Variants in KBTBD2 observed in about 807,000 individuals in gnomAD.
KBTBD2 encodes kelch repeat and BTB domain containing 2.
In KBTBD2, 17 loss-of-function variants were observed where a neutral mutation model predicts 57.1. The observed-to-expected ratio is 0.30, with a 90% CI of 0.20 to 0.45. KBTBD2 has a LOEUF of 0.45. KBTBD2 is among the 20% of genes least tolerant of loss of function. The pLI is 1.00. For missense variants in KBTBD2, 515 were observed against 750.6 expected, an observed-to-expected ratio of 0.69 and a Z score of 3.67; for synonymous variants, 267 against 262.7, an observed-to-expected ratio of 1.02 and a Z score of -0.16.
intron 1 of KBTBD2, among the ~76,000 whole-genome samples, chr7:32,884,136 C>A (rs573332834): frequency 3.3e-5 from 5 of 152,274 alleles, no homozygotes; most frequent in Middle Eastern, 3.4e-3. Context: ...GTGGATCACA[C>A]AGGAGGAAGG....
chr7:32,869,684 C>T lies in KBTBD2; in HGVS notation c.1533G>A (p.Met511Ile). 6.2e-7 allele frequency: 1 copy of T among 1,614,090 alleles called. No homozygotes were observed. ...ACCTCTTAGCAGGGATGTTGGCTGC[C>T]ATTTTCCACTCATTTTTATTCACAT... ...IYDVNKNEWK[M>I]AANIPAKRYS... The change falls in exon 4 of 4, where the codon ATG becomes ATA. Residue 511 changes from methionine to isoleucine, a missense_variant. Physicochemically the swap from Met to Ile is conservative, Grantham distance 10. Transcript: ENST00000304056.
chr7:32,888,116 G>A (rs1784626872), intron 1 of KBTBD2, among the ~76,000 whole-genome samples: 1 of 152,114 alleles, frequency 6.6e-6, no homozygotes, highest in Non-Finnish European at 1.5e-5. Flanking sequence ...TTTTACATAA[G>A]AGAAATCCAA....
At chr7:32,881,255 A>G (rs1583785007) in intron 1 of KBTBD2, among the ~76,000 whole-genome samples, 1 of 150,428 alleles carries the variant, frequency 6.6e-6, no homozygotes, top group South Asian at 2.1e-4. Context: ...CCATTCATCA[A>G]AAAAAAAAAC....
chr7:32,881,781 T>G (rs1784450100), intron 1 of KBTBD2, among the ~76,000 whole-genome samples: 1 of 152,192 alleles, frequency 6.6e-6, no homozygotes, highest in South Asian at 2.1e-4. Context: ...CATAGTGTTG[T>G]TGAGGGTGTG....
Position 32,870,834 on chromosome 7 carries a change from AT to A in KBTBD2, c.382del (p.Ile128Ter). Reference sequence around the variant, plus strand: ...CAATCGTACACAATTCTCTGCATTTATTTTTTTAATTAAATATTCTCGACAA... The same window carrying A: ...CAATCGTACACAATTCTCTGCATTTATTTTTTAATTAAATATTCTCGACAA... ...QRCREYLIKKINAENCVRLLS... is the reference protein window; with the variant it reads ...QRCREYLIKKXNAENCVRLLS... On this transcript the variant is annotated frameshift_variant, in exon 4 of 4. Transcript: ENST00000304056. LOFTEE classifies it high-confidence loss of function. 6.3e-7 allele frequency: 1 copy of A among 1,597,562 alleles called. No homozygotes were observed.
intron 1 of KBTBD2, among the ~76,000 whole-genome samples, chr7:32,882,186 A>C (rs879668452): frequency 2.6e-5 from 4 of 152,158 alleles, no homozygotes; most frequent in Admixed American, 2.6e-4. Context: ...TACTTCTAGA[A>C]ATATATTTTA....
chr7:32,882,267 G>A (rs1784463341), intron 1 of KBTBD2, among the ~76,000 whole-genome samples: 1 of 152,166 alleles, frequency 6.6e-6, no homozygotes, highest in Non-Finnish European at 1.5e-5. Flanking sequence ...CCCCATCCAT[G>A]TTTAAACAAG....
rs575574559 is a variant in KBTBD2, at chr7:32,868,361, C to G, written c.*984G>C. On this transcript the variant is annotated 3_prime_UTR_variant, in exon 4 of 4. Coordinates refer to ENST00000304056, the MANE Select transcript of KBTBD2 (RefSeq NM_015483.3). Reference sequence around the variant, plus strand: ...AGCGCTAGTTATCTGCTCTTCTGCACAGCTAGTGCAGAGAATTCCTGAACA... The same window carrying G: ...AGCGCTAGTTATCTGCTCTTCTGCAGAGCTAGTGCAGAGAATTCCTGAACA... 6.6e-6 allele frequency: 1 copy of G among 152,646 alleles called. No homozygotes were observed. The highest frequency in any genetic ancestry group is 2.4e-5 in the African/African-American group (1 of 41,536). 9.5% of individuals were successfully genotyped at this position (152,646 alleles called of 1,614,324 possible). A position where few individuals can be genotyped will look rare whatever the true frequency, so the allele number is the denominator to read the frequency against.
In KBTBD2 at chr7:32,868,794, C is replaced by G. The variant is rs1429291640; in HGVS notation, c.*551G>C. On this transcript the variant is annotated 3_prime_UTR_variant, in exon 4 of 4. Coordinates refer to ENST00000304056, the MANE Select transcript of KBTBD2 (RefSeq NM_015483.3). ...CACCTAATAGTATAGTTAGACTGAT[C>G]CTGCAGTCATAGCTTTCCCTGTGTA... 6.5e-6 allele frequency: 1 copy of G among 153,284 alleles called. No individual in the cohort carries two copies. The highest frequency in any genetic ancestry group is 2.4e-5 in the African/African-American group (1 of 41,440). The allele number at this position is 153,284 out of a possible 1,614,324, so 9.5% of individuals were successfully genotyped here.
chr7:32,882,069 GAT>G (rs1784457607), intron 1 of KBTBD2, among the ~76,000 whole-genome samples: 1 of 138,060 alleles, frequency 7.2e-6, no homozygotes, highest in South Asian at 2.5e-4. Context: ...TACTAGCAAA[GAT>G]TTTTTTTTTT....
chr7:32,891,887 G>GCCGCCCCCGCCCCCC, upstream of KBTBD2: 1 of 29,388 alleles, frequency 3.4e-5, no homozygotes, highest in African/African-American at 1.1e-4. Flanking sequence ...CGCCGCCCCC[G>GCCGCCCCCGCCCCCC]CCGCCCCCGC....
chr7:32,888,449 G>A (rs1245210875), intron 1 of KBTBD2, among the ~76,000 whole-genome samples: 1 of 151,900 alleles, frequency 6.6e-6, no homozygotes, highest in Non-Finnish European at 1.5e-5. Flanking sequence ...AAACAACCAC[G>A]ACAGTTGAGA....
At chr7:32,872,611 G>A (rs1051557147) in intron 3 of KBTBD2, among the ~76,000 whole-genome samples, 5 of 152,132 alleles carry the variant, frequency 3.3e-5, no homozygotes, top group Non-Finnish European at 5.9e-5. Flanking sequence ...CCAGATCGAG[G>A]CTGCAGTGAG....
rs1784136897 is a variant in KBTBD2, at chr7:32,870,086, G to A, written c.1131C>T (p.Cys377=). Residue 377 remains cysteine, a synonymous_variant, in exon 4 of 4, where the codon TGC becomes TGT. Coordinates refer to ENST00000304056, the MANE Select transcript of KBTBD2 (RefSeq NM_015483.3). ...LFVRIKPSLV[C]CEGYIYAIGG... ...CAATTGCATAGATATAGCCTTCACA[G>A]CAAACCAAAGATGGCTTTATGCGGA... 11 of 1,614,158 alleles carry A rather than the reference G, an allele frequency of 6.8e-6. No homozygotes were observed. Among genetic ancestry groups the A allele is most frequent in the Non-Finnish European group, 8.5e-6 (10 of 1,180,018 alleles).
intron 1 of KBTBD2, among the ~76,000 whole-genome samples, chr7:32,885,787 C>G (rs552250745): frequency 6.6e-6 from 1 of 152,258 alleles, no homozygotes; most frequent in East Asian, 1.9e-4. Context: ...ATTCTTACTC[C>G]TTCTTTTAAG....
intron 1 of KBTBD2, 109 bp downstream of exon 1, chr7:32,891,427 C>A (rs897140803): frequency 6.7e-6 from 1 of 149,646 alleles, no homozygotes; most frequent in Non-Finnish European, 1.5e-5. Context: ...GCCTCCCACC[C>A]GCCGAGCCAC....
intron 1 of KBTBD2, among the ~76,000 whole-genome samples, chr7:32,881,443 A>G (rs559322060): frequency 6.6e-6 from 1 of 152,340 alleles, no homozygotes; most frequent in Admixed American, 6.5e-5. Flanking sequence ...TACCATAATG[A>G]GAAATGACTC....
chr7:32,878,872 T>G (rs1014772444), intron 2 of KBTBD2, among the ~76,000 whole-genome samples: 5 of 152,206 alleles, frequency 3.3e-5, no homozygotes, highest in Admixed American at 6.5e-5. Flanking sequence ...AAAGAGTAAC[T>G]AAATTAACTT....
intron 1 of KBTBD2, among the ~76,000 whole-genome samples, chr7:32,888,033 G>C (rs929591912): frequency 1.3e-5 from 2 of 152,146 alleles, no homozygotes; most frequent in African/African-American, 4.8e-5. Flanking sequence ...ACCTTCACCA[G>C]GTCCGAAGAT....
Sources: gnomAD v4.1 joint callset for allele counts (sites outside exome capture counted in the v4.1 genomes callset) on GRCh38, gnomAD v4.1.1 for gene constraint, MANE v1.5 for transcripts, NCBI Gene and HGNC (gene_info 2026-07-23, HGNC 2026-07-21) for gene names.